CSMD2: variants seen among roughly 807,000 people sequenced by gnomAD.
CSMD2 encodes the protein CUB and sushi domain-containing protein 2.
In CSMD2, 130 loss-of-function variants were observed where a neutral mutation model predicts 398.5. The observed-to-expected ratio is 0.33, with a 90% confidence interval of 0.28 to 0.38. The LOEUF (loss-of-function observed/expected upper bound fraction) is 0.38. CSMD2 is among the 10% of genes least tolerant of loss of function. CSMD2 has a pLI of 1.00. For missense variants in CSMD2, 3,829 were observed against 4,764.9 expected (o/e 0.80, Z 5.78); for synonymous variants, 1,828 against 1,908.5 (o/e 0.96, Z 1.10).
chr1:33,610,953 T>C, intron 41 of CSMD2, 88 bp downstream of exon 41: 1 of 1,305,796 alleles, frequency 7.7e-7, no homozygotes, highest in Non-Finnish European at 1.1e-6. Context: ...TGTTCTGTTT[T>C]CCCCCACATG....
chr1:33,916,043 A>G (rs995842601), intron 5 of CSMD2, among the ~76,000 whole-genome samples: 1 of 152,232 alleles, frequency 6.6e-6, no homozygotes, highest in Non-Finnish European at 1.5e-5. Context: ...ATGAAATTAT[A>G]GCTCTAAAGA....
At position 33,986,813 on chromosome 1, in the gene CSMD2, G is replaced by A. The variant is rs74068688; in HGVS notation, c.517+45781C>T. ...AGGTAAACAGACCTCTGTCAGCATG[G>A]ACTCCAGGGCTCCTTTCCTCCTCTG... On this transcript the variant is annotated intron_variant, in intron 3 of 70. Coordinates refer to ENST00000373381, the MANE Select transcript of CSMD2 (RefSeq NM_001281956.2). 5.8e-3 allele frequency among the ~76,000 whole-genome samples: 881 copies of A among 152,310 alleles called. 6 individuals carry two copies. Among genetic ancestry groups the A allele is most frequent in the African/African-American group, 0.02 (834 of 41,564 alleles).
At chr1:33,751,499 A>G (rs1042519174) in intron 13 of CSMD2, among the ~76,000 whole-genome samples, 1 of 152,212 alleles carries the variant, frequency 6.6e-6, no homozygotes, top group Non-Finnish European at 1.5e-5. Context: ...GGAGTGGGGT[A>G]ACAGGGTACT....
intron 3 of CSMD2, among the ~76,000 whole-genome samples, chr1:33,972,437 T>C (rs569192579): frequency 6.6e-6 from 1 of 152,324 alleles, no homozygotes; most frequent in East Asian, 1.9e-4. Context: ...CTGCTTTACA[T>C]GGCAAAAGAG....
chr1:33,791,811 C>T (rs951069999), intron 11 of CSMD2, among the ~76,000 whole-genome samples: 3 of 152,120 alleles, frequency 2.0e-5, no homozygotes, highest in African/African-American at 7.2e-5. Flanking sequence ...TCAAGTCAGG[C>T]TATTGGTGGT....
intron 1 of CSMD2, among the ~76,000 whole-genome samples, chr1:34,099,971 C>G (rs914312154): frequency 5.9e-5 from 9 of 152,144 alleles, no homozygotes; most frequent in African/African-American, 2.2e-4. Context: ...CCATTGTATT[C>G]TAAACAATAA....
chr1:33,605,830 C>T (rs762344269), intron 41 of CSMD2: 1 of 1,575,970 alleles, frequency 6.3e-7, no homozygotes, highest in South Asian at 1.1e-5. Context: ...AGGCACCAGC[C>T]TAACTCCTTT....
intron 4 of CSMD2, among the ~76,000 whole-genome samples, chr1:33,925,195 G>C (rs1468488225): frequency 6.6e-6 from 1 of 152,072 alleles, no homozygotes; most frequent in African/African-American, 2.4e-5. Context: ...CTTAAGTTTA[G>C]GTCTCTAATT....
At chr1:34,023,083 G>C (rs1361061724) in intron 3 of CSMD2, among the ~76,000 whole-genome samples, 1 of 152,120 alleles carries the variant, frequency 6.6e-6, no homozygotes, top group Non-Finnish European at 1.5e-5. Flanking sequence ...TGATCCTCTG[G>C]CCTTGGCCTC....
At chr1:33,538,620 C>A (rs984140134) in intron 60 of CSMD2, among the ~76,000 whole-genome samples, 2 of 152,080 alleles carry the variant, frequency 1.3e-5, no homozygotes, top group Non-Finnish European at 2.9e-5. Flanking sequence ...GTTTAAGAAT[C>A]GATTGATGGG....
chr1:34,102,628 GTAATCCGGCCATATCCCTGTAATCCAA>G (rs1188000468), intron 1 of CSMD2, among the ~76,000 whole-genome samples: 31 of 53,384 alleles, frequency 5.8e-4, no homozygotes, highest in African/African-American at 2.2e-3. Flanking sequence ...CCATATCCCT[GTAATCCGGCCATATCCCTGTAATCCAA>G]CCATATCCCT....
chr1:33,639,235 C>T (rs1396502568), intron 29 of CSMD2, among the ~76,000 whole-genome samples: 2 of 152,150 alleles, frequency 1.3e-5, no homozygotes, highest in Non-Finnish European at 2.9e-5. Flanking sequence ...CAAGGTGGAG[C>T]TCCCTCATCA....
intron 10 of CSMD2, among the ~76,000 whole-genome samples, chr1:33,810,228 T>G (rs1031861815): frequency 6.6e-6 from 1 of 152,098 alleles, no homozygotes; most frequent in Non-Finnish European, 1.5e-5. Context: ...CATGAAAAAA[T>G]GTATGTAGAA....
intron 57 of CSMD2, 149 bp from the exon 58 acceptor site, chr1:33,543,045 G>A (rs2148602517): frequency 1.7e-6 from 1 of 598,796 alleles, no homozygotes; most frequent in East Asian, 2.9e-5. Flanking sequence ...GAATTATCTT[G>A]CCCCTAGACA....
intron 2 of CSMD2, among the ~76,000 whole-genome samples, chr1:34,078,522 G>A (rs1186499215): frequency 3.3e-4 from 50 of 152,284 alleles, no homozygotes; most frequent in East Asian, 1.9e-4. Flanking sequence ...TCCGGACCAC[G>A]TAAGCATCTA....
rs757320710 is a variant in CSMD2, at chr1:33,521,447, G to T, written c.10597+16C>A. Reference sequence around the variant, plus strand: ...CCCACCCGGGCCCACACTTCCGGGGGACAAGCACTAGTTACCCAGTCTTTG... The same window carrying T: ...CCCACCCGGGCCCACACTTCCGGGGTACAAGCACTAGTTACCCAGTCTTTG... On this transcript the variant is annotated intron_variant, in intron 68 of 70. Coordinates refer to ENST00000373381, the MANE Select transcript of CSMD2 (RefSeq NM_001281956.2). 2.0e-6 allele frequency: 3 copies of T among 1,528,868 alleles called. No individual in the cohort carries two copies. The highest frequency in any genetic ancestry group is 2.7e-6 in the Non-Finnish European group (3 of 1,102,390). 94.7% of individuals were successfully genotyped at this position (1,528,868 alleles called of 1,614,324 possible). A position where few individuals can be genotyped will look rare whatever the true frequency, so the allele number is the denominator to read the frequency against.
At chr1:33,874,348 G>T (rs781692522) in intron 5 of CSMD2, among the ~76,000 whole-genome samples, 1 of 152,148 alleles carries the variant, frequency 6.6e-6, no homozygotes. Flanking sequence ...CAATGAGAGC[G>T]GTACTTTAAA....
chr1:34,112,532 G>T (rs1661197503), intron 1 of CSMD2, among the ~76,000 whole-genome samples: 1 of 152,306 alleles, frequency 6.6e-6, no homozygotes, highest in East Asian at 1.9e-4. Context: ...AAAGCCTCCA[G>T]AAATACTTCC....
chr1:33,805,855 G>T (rs959800288), intron 10 of CSMD2, among the ~76,000 whole-genome samples: 1 of 151,900 alleles, frequency 6.6e-6, no homozygotes, highest in African/African-American at 2.4e-5. Context: ...CTCCAGAATG[G>T]TGAGAAAATA....
Sources: allele counts gnomAD v4.1 joint callset (sites outside exome capture counted in the v4.1 genomes callset), GRCh38; gene constraint gnomAD v4.1.1; transcripts MANE v1.5; gene names NCBI Gene and HGNC (gene_info 2026-07-23, HGNC 2026-07-21).